The following SYNPR variants were observed in gnomAD, a reference collection of about 807,000 sequenced individuals.
The protein encoded by SYNPR is synaptoporin.
In SYNPR, 23 loss-of-function variants were observed where a neutral mutation model predicts 32.9. The ratio of observed to expected loss-of-function variants is 0.70; its 90% CI spans 0.50 to 0.99. The LOEUF (loss-of-function observed/expected upper bound fraction) is 0.99. Among genes scored for constraint, SYNPR ranks in the 50% least tolerant of loss-of-function variants. SYNPR has a pLI of 0.00. For synonymous variants in SYNPR, 146 were observed against 135.9 expected (o/e 1.07, Z -0.52); for missense variants, 318 against 349.3 (o/e 0.91, Z 0.71).
At chr3:63,239,230 C>T (rs1170409916) in intron 1 of SYNPR, among the ~76,000 whole-genome samples, 24 of 137,762 alleles carry the variant, frequency 1.7e-4, no homozygotes, top group South Asian at 2.3e-4. Context: ...TTTCTTGACC[C>T]TTGACTAGTA....
chr3:63,318,957 G>C (rs1240164538), intron 2 of SYNPR, among the ~76,000 whole-genome samples: 1 of 151,996 alleles, frequency 6.6e-6, no homozygotes, highest in Non-Finnish European at 1.5e-5. Context: ...GTGTTCCCTT[G>C]ACGTAGTACT....
chr3:63,392,585 G>A (rs1157722638), intron 2 of SYNPR, among the ~76,000 whole-genome samples: 1 of 152,134 alleles, frequency 6.6e-6, no homozygotes, highest in African/African-American at 2.4e-5. Context: ...GCAAAGTGCT[G>A]AACACACAGA....
the SYNPR span, among the ~76,000 whole-genome samples, chr3:63,220,881 A>C: frequency 6.6e-6 from 1 of 152,324 alleles, no homozygotes; most frequent in South Asian, 2.1e-4. Flanking sequence ...TTCTTCTGTC[A>C]TAACTTAGTG....
intron 2 of SYNPR, among the ~76,000 whole-genome samples, chr3:63,337,225 C>T (rs1404578765): frequency 2.3e-5 from 2 of 88,810 alleles, no homozygotes; most frequent in Non-Finnish European, 4.0e-5. Flanking sequence ...GAGTGAGACT[C>T]TGTCTCCAAA....
At chr3:63,386,641 C>T (rs1575619395) in intron 2 of SYNPR, among the ~76,000 whole-genome samples, 1 of 114,176 alleles carries the variant, frequency 8.8e-6, no homozygotes, top group East Asian at 2.3e-4. Flanking sequence ...TCTTTATTTT[C>T]CCTCCTTAGC....
intron 3 of SYNPR, among the ~76,000 whole-genome samples, chr3:63,489,377 A>T (rs1235257217): frequency 6.6e-6 from 1 of 152,138 alleles, no homozygotes; most frequent in African/African-American, 2.4e-5. Context: ...ACAGCTGAAG[A>T]AAGTCTTCTT....
At chr3:63,354,333 T>A (rs944720749) in intron 2 of SYNPR, among the ~76,000 whole-genome samples, 1 of 152,196 alleles carries the variant, frequency 6.6e-6, no homozygotes, top group Non-Finnish European at 1.5e-5. Context: ...ATCCAGTGGA[T>A]CCGTCCACAT....
At chr3:63,400,709 C>A (rs1334621867) in intron 2 of SYNPR, among the ~76,000 whole-genome samples, 1 of 152,158 alleles carries the variant, frequency 6.6e-6, no homozygotes, top group Non-Finnish European at 1.5e-5. Flanking sequence ...TAGGCTCCAC[C>A]ACTCAAAGAC....
intron 4 of SYNPR, among the ~76,000 whole-genome samples, chr3:63,558,278 T>C (rs1396265243): frequency 2.0e-5 from 3 of 152,228 alleles, no homozygotes; most frequent in Non-Finnish European, 2.9e-5. Context: ...GTTATAGCCA[T>C]ACAAAATGGA....
chr3:63,311,836 T>A (rs1196266020), intron 2 of SYNPR, among the ~76,000 whole-genome samples: 1 of 152,024 alleles, frequency 6.6e-6, no homozygotes, highest in African/African-American at 2.4e-5. Context: ...TATGTATTAT[T>A]TTAAATTTAA....
intron 3 of SYNPR, among the ~76,000 whole-genome samples, chr3:63,524,226 G>T (rs1353389367): frequency 6.6e-6 from 1 of 152,020 alleles, no homozygotes; most frequent in African/African-American, 2.4e-5. Context: ...TACAAAAAAG[G>T]TAGCAGAATA....
chr3:63,243,762 T>C (rs550154134), intron 1 of SYNPR, among the ~76,000 whole-genome samples: 1 of 152,188 alleles, frequency 6.6e-6, no homozygotes, highest in African/African-American at 2.4e-5. Context: ...GGTCATTTTG[T>C]GTGTGCAATG....
At chr3:63,355,144 T>C (rs1224746327) in intron 2 of SYNPR, among the ~76,000 whole-genome samples, 2 of 152,012 alleles carry the variant, frequency 1.3e-5, no homozygotes, top group Non-Finnish European at 2.9e-5. Flanking sequence ...CCGGGCATGG[T>C]GGCACACACC....
chr3:63,518,777 T>C, intron 3 of SYNPR, among the ~76,000 whole-genome samples: 1 of 152,134 alleles, frequency 6.6e-6, no homozygotes, highest in African/African-American at 2.4e-5. Context: ...TACCATCAGA[T>C]AGTGAAATTC....
intron 2 of SYNPR, among the ~76,000 whole-genome samples, chr3:63,329,864 G>A (rs1365188678): frequency 1.3e-5 from 2 of 152,228 alleles, no homozygotes; most frequent in Non-Finnish European, 2.9e-5. Context: ...CCACAAAGGG[G>A]TCCTTTGCTT....
In SYNPR at chr3:63,251,762, G is replaced by C. The variant is rs559603825; in HGVS notation, n.67-737G>C. 2.4e-4 allele frequency among the ~76,000 whole-genome samples: 37 copies of C among 151,992 alleles called. No individual in the cohort carries two copies. The South Asian group carries it at 7.7e-3, about 32-fold the overall frequency. ...ACAATACACACCTCTGCATCCGTCT[G>C]CTTGGAAAGACAACAACCAAGGAGA... On this transcript the variant is annotated intron_variant and non_coding_transcript_variant, in intron 1 of 4. Coordinates refer to the SYNPR transcript ENST00000478456.
In SYNPR at chr3:63,259,133, T is replaced by C. The variant is rs535764044; in HGVS notation, n.154+6547T>C. ...ACCAGATGGATTCACAGCTGAATTC[T>C]ACCAGAGGTACAAGGAAGAGCTGAT... On this transcript the variant is annotated intron_variant and non_coding_transcript_variant, in intron 2 of 4. Coordinates refer to the SYNPR transcript ENST00000478456. Among the ~76,000 whole-genome samples the C allele has an allele frequency of 3.9e-4, 59 of 152,260 alleles. No homozygotes were observed. In the South Asian group the frequency reaches 0.011, roughly 29 times the overall value.
At chr3:63,565,417 G>A (rs895205148) in intron 4 of SYNPR, among the ~76,000 whole-genome samples, 2 of 152,146 alleles carry the variant, frequency 1.3e-5, no homozygotes, top group Non-Finnish European at 2.9e-5. Context: ...CCTCCAAGAT[G>A]GTGCGTTGTT....
upstream of SYNPR, among the ~76,000 whole-genome samples, chr3:63,226,870 C>A (rs897059264): frequency 6.6e-6 from 1 of 152,060 alleles, no homozygotes; most frequent in Admixed American, 6.6e-5. Flanking sequence ...TGGAATGTTA[C>A]CAACATATAG....
Sources: gnomAD v4.1 joint callset for allele counts (sites outside exome capture counted in the v4.1 genomes callset) on GRCh38, gnomAD v4.1.1 for gene constraint, MANE v1.5 for transcripts, NCBI Gene and HGNC (gene_info 2026-07-23, HGNC 2026-07-21) for gene names.